TIE1: variants seen among roughly 807,000 people sequenced by gnomAD.
TIE1 encodes tyrosine kinase with immunoglobulin like and EGF like domains 1, also known as tyrosine-protein kinase receptor Tie-1.
TIE1 carries 89 observed loss-of-function variants against 130.5 expected under a neutral mutation model. The observed-to-expected ratio is 0.68, with a 90% confidence interval of 0.57 to 0.81. The LOEUF (loss-of-function observed/expected upper bound fraction) is 0.81, where lower values mean the gene tolerates loss of function less well. TIE1 is among the 40% of genes least tolerant of loss of function. The pLI is 0.00. For synonymous variants in TIE1, 568 were observed against 629.4 expected (o/e 0.90, Z 1.46); for missense variants, 1,392 against 1,559.8 (o/e 0.89, Z 1.81).
Position 43,306,365 on chromosome 1 carries a change from C to T in TIE1, c.485-475C>T, listed in dbSNP as rs1646728459. Among the ~76,000 whole-genome samples, 1 of 152,144 alleles carries T rather than the reference C, an allele frequency of 6.6e-6. No homozygotes were observed. Among genetic ancestry groups the T allele is most frequent in the African/African-American group, 2.4e-5 (1 of 41,442 alleles). ...GACGAATGGGGCTGGATGGCTTGGC[C>T]ACGGCCAAGTTGGTGAAAATGATGT... is the stretch of plus-strand genomic sequence containing the variant. On this transcript the variant is annotated intron_variant, in intron 3 of 22. Coordinates refer to ENST00000372476, the MANE Select transcript of TIE1 (RefSeq NM_005424.5). This position sits in a 1 kb window ranked among gnomAD's most constrained non-coding sequence, Gnocchi z 4.9.
chr1:43,307,176 C>T lies in TIE1; in HGVS notation c.675C>T (p.Thr225=), dbSNP rs779738785. ...CGAGRWGPGC[T]KECPGCLHGG... The stretch of plus-strand genomic sequence containing the variant: ...CTGGGCGCTGGGGGCCAGGCTGTAC[C>T]AAGGAGTGCCCAGGTTGCCTACATG... The change falls in exon 5 of 23, where the codon ACC becomes ACT. Residue 225 remains threonine, a synonymous_variant. Coordinates refer to ENST00000372476, the MANE Select transcript of TIE1 (RefSeq NM_005424.5). This position sits in a 1 kb window ranked among gnomAD's most constrained non-coding sequence, Gnocchi z 5.4. The T allele has an allele frequency of 9.3e-6, 15 of 1,614,018 alleles. No individual in the cohort carries two copies. The East Asian group carries it at 2.7e-4, about 29-fold the overall frequency.
chr1:43,301,121 C>T lies in TIE1; in HGVS notation c.50C>T (p.Ser17Phe). The change falls in exon 1 of 23, where the codon TCT becomes TTT. Residue 17 changes from serine (S) to phenylalanine (F), a missense_variant. By Grantham distance (155) the Ser-to-Phe change is radical (BLOSUM62 -2). Around this residue, in one of 6 missense-constraint regions of TIE1, gnomAD observed 415 missense variants for 424.8 expected, o/e 0.98. Coordinates refer to ENST00000372476, the MANE Select transcript of TIE1 (RefSeq NM_005424.5). ...TTGCTCCCCATCCTCTTCTTGGCTT[C>T]TCATGTGGGTAAGTCTCCCCTGAGT... ...PFLLPILFLASHVGAAVDLTL... is the reference protein window; with the variant it reads ...PFLLPILFLAFHVGAAVDLTL... 6.2e-7 allele frequency: 1 copy of T among 1,613,682 alleles called. No homozygotes were observed. Among genetic ancestry groups the T allele is most frequent in the Non-Finnish European group, 8.5e-7 (1 of 1,179,810 alleles).
rs1292782493 is a variant in TIE1, at chr1:43,315,317, T to A, written c.2409+1349T>A. 1 of 152,272 alleles carries A rather than the reference T, an allele frequency of 6.6e-6. No individual in the cohort carries two copies. The highest frequency in any genetic ancestry group is 1.5e-5 in the Non-Finnish European group (1 of 68,050). 9.4% of individuals were successfully genotyped at this position (152,272 alleles called of 1,614,324 possible). On this transcript the variant is annotated intron_variant, in intron 14 of 22. Coordinates refer to ENST00000372476, the MANE Select transcript of TIE1 (RefSeq NM_005424.5). The surrounding 1 kb of genome is among the most constrained non-coding windows in gnomAD (Gnocchi z 4.4). ...GAAAACCCTCTTCTCTCTCAAGGGC[T>A]GATCCTTGTGATAGAAAGCCTAGTG...
rs151170413 is a variant in TIE1 at position 43,321,460 on chromosome 1, C to G, written c.3213C>G (p.Arg1071=). ...ATGAAAAGCTGCCCCAGGGCTACCG[C>G]ATGGAGCAGCCTCGAAACTGTGACG... ...ELYEKLPQGY[R]MEQPRNCDDE... Residue 1071 remains arginine, a synonymous_variant, in exon 21 of 23, where the codon CGC becomes CGG. Coordinates refer to ENST00000372476, the MANE Select transcript of TIE1 (RefSeq NM_005424.5). 5 of 1,613,868 alleles carry G rather than the reference C, an allele frequency of 3.1e-6. No individual in the cohort carries two copies. The South Asian group carries it at 3.3e-5, about 11-fold the overall frequency.
chr1:43,303,758 T>G (rs960556016), intron 1 of TIE1, among the ~76,000 whole-genome samples: 4 of 152,100 alleles, frequency 2.6e-5, no homozygotes, highest in Non-Finnish European at 5.9e-5. Context: ...TCCAGGCTGT[T>G]CCCTCTGTCT....
Position 43,317,231 on chromosome 1 carries a change from G to C in TIE1, c.2442G>C (p.Gly814=), listed in dbSNP as rs1365482311. Residue 814 remains glycine, a synonymous_variant, in exon 15 of 23, where the codon GGG becomes GGC. Transcript: ENST00000372476. The surrounding 1 kb of genome is among the most constrained non-coding windows in gnomAD (Gnocchi z 5.1). ...AGACCATCCTGCAGTTCAGCTCAGG[G>C]ACCTTGACACTTACCCGGCGGCCAA... ...GEETILQFSS[G]TLTLTRRPKL... is the part of the protein sequence containing the mutation. The C allele has an allele frequency of 1.9e-6, 3 of 1,614,084 alleles. No individual in the cohort carries two copies. The highest frequency in any genetic ancestry group is 2.2e-5 in the South Asian group (2 of 91,078).
rs945031177 is a variant in TIE1, at chr1:43,319,306, C to T, written c.2994C>T (p.Phe998=). The change falls in exon 18 of 23, where the codon TTC becomes TTT. Residue 998 remains phenylalanine, a synonymous_variant. Transcript: ENST00000372476. The surrounding 1 kb of genome is among the most constrained non-coding windows in gnomAD (Gnocchi z 4.7). ...GENLASKIAD[F]GLSRGEEVYV... The stretch of plus-strand genomic sequence containing the variant: ...ACCTAGCCTCCAAGATTGCAGACTT[C>T]GGCCTTTCTCGGGGAGAGGAGGTTT... 9.3e-6 allele frequency: 15 copies of T among 1,613,908 alleles called. No individual in the cohort carries two copies. The highest frequency in any genetic ancestry group is 2.2e-5 in the South Asian group (2 of 91,072).
chr1:43,321,810 C>G, intron 22 of TIE1, 95 bp downstream of exon 22: 2 of 1,168,294 alleles, frequency 1.7e-6, no homozygotes, highest in South Asian at 2.7e-5. Flanking sequence ...AACCACACTG[C>G]CTGCCCAACC....
intron 1 of TIE1, among the ~76,000 whole-genome samples, chr1:43,303,444 G>C (rs1359995579): frequency 6.6e-6 from 1 of 152,168 alleles, no homozygotes; most frequent in Non-Finnish European, 1.5e-5. Context: ...GTTGGTATGT[G>C]GTGGGCGGTC....
chr1:43,303,227 G>A (rs1164043092), intron 1 of TIE1, among the ~76,000 whole-genome samples: 2 of 152,146 alleles, frequency 1.3e-5, no homozygotes, highest in South Asian at 2.1e-4. Flanking sequence ...GGGAGCACTG[G>A]AGAGGAGCAG....
chr1:43,321,821 T>C, intron 22 of TIE1, 106 bp downstream of exon 22: 1 of 1,061,866 alleles, frequency 9.4e-7, no homozygotes, highest in Non-Finnish European at 1.4e-6. Context: ...CTGCCCAACC[T>C]CCCTCAGTGG....
chr1:43,305,143 C>T lies in TIE1; in HGVS notation c.351C>T (p.Ile117=). The stretch of plus-strand genomic sequence containing the variant: ...CTGGGGCGCGGCGCACGCGCGTCAT[C>T]TACGTGCACAACAGCCCTGGAGGTG... The part of the protein sequence containing the change: ...GGAGARRTRV[I]YVHNSPGAHL... Residue 117 remains isoleucine (I), a synonymous_variant, in exon 2 of 23, where the codon ATC becomes ATT. Coordinates refer to ENST00000372476, the MANE Select transcript of TIE1 (RefSeq NM_005424.5). The T allele has an allele frequency of 6.2e-7, 1 of 1,613,994 alleles. No homozygotes were observed. The highest frequency in any genetic ancestry group is 8.5e-7 in the Non-Finnish European group (1 of 1,179,920).
Position 43,313,213 on chromosome 1 carries a change from C to G in TIE1, c.2006C>G (p.Ala669Gly). The part of the protein sequence containing the change: ...EIQLTWKHPE[A>G]LPGPISKYVV... ...CAGCTGACATGGAAGCACCCGGAGGCTCTGCCTGGGCCAATATCCAAGTAC... is the reference window on the plus strand; with the variant it reads ...CAGCTGACATGGAAGCACCCGGAGGGTCTGCCTGGGCCAATATCCAAGTAC... Residue 669 changes from alanine to glycine, a missense_variant, in exon 13 of 23, where the codon GCT (alanine) becomes GGT (glycine). Ala to Gly is a moderately conservative substitution (Grantham distance 60). Around this residue, in one of 6 missense-constraint regions of TIE1, gnomAD observed 551 missense variants for 565.5 expected, o/e 0.97. Coordinates refer to ENST00000372476, the MANE Select transcript of TIE1 (RefSeq NM_005424.5). The surrounding 1 kb of genome is among the most constrained non-coding windows in gnomAD (Gnocchi z 6.2). 1 of 1,613,962 alleles carries G rather than the reference C, an allele frequency of 6.2e-7. No homozygotes were observed. Among genetic ancestry groups the G allele is most frequent in the Non-Finnish European group, 8.5e-7 (1 of 1,179,902 alleles).
Position 43,313,947 on chromosome 1 carries a change from C to A in TIE1, c.2388C>A (p.Thr796=). The A allele has an allele frequency of 6.2e-7, 1 of 1,614,158 alleles. No individual in the cohort carries two copies. Among genetic ancestry groups the A allele is most frequent in the Non-Finnish European group, 8.5e-7 (1 of 1,180,018 alleles). The change falls in exon 14 of 23, where the codon ACC becomes ACA. Residue 796 remains threonine, a synonymous_variant. Transcript: ENST00000372476. The surrounding 1 kb of genome is among the most constrained non-coding windows in gnomAD (Gnocchi z 6.2). ...IRRSCLHRRR[T]FTYQSGSGEE... is the part of the protein sequence containing the mutation. ...GAAGCTGCCTGCATCGGAGACGCAC[C>A]TTCACCTACCAGTCAGGCTCGGTCA...
At chr1:43,321,756 A>G in intron 22 of TIE1, 41 bp downstream of exon 22, 3 of 1,532,438 alleles carry the variant, frequency 2.0e-6, no homozygotes, top group Non-Finnish European at 2.7e-6. Flanking sequence ...GGGCTCACAG[A>G]GTGCTCCAGA....
In TIE1 at chr1:43,317,618, G is replaced by C; in HGVS notation, c.2675G>C (p.Cys892Ser). The stretch of plus-strand genomic sequence containing the variant: ...TTTGCGGGAGAACTGGAAGTTCTGT[G>C]CAAATTGGGGCATCACCCCAACATC... The part of the protein sequence containing the change: ...RDFAGELEVL[C>S]KLGHHPNIIN... Residue 892 changes from cysteine (C) to serine (S), a missense_variant, in exon 16 of 23, where the codon TGC becomes TCC. Coordinates refer to ENST00000372476, the MANE Select transcript of TIE1 (RefSeq NM_005424.5). The surrounding 1 kb of genome is among the most constrained non-coding windows in gnomAD (Gnocchi z 5.1). 1 of 1,608,052 alleles carries C rather than the reference G, an allele frequency of 6.2e-7. No individual in the cohort carries two copies. Among genetic ancestry groups the C allele is most frequent in the Non-Finnish European group, 8.5e-7 (1 of 1,176,080 alleles).
chr1:43,311,085 C>CT (rs1646785621), intron 9 of TIE1, among the ~76,000 whole-genome samples: 1 of 152,166 alleles, frequency 6.6e-6, no homozygotes, highest in South Asian at 2.1e-4. Context: ...ATGGATAGAT[C>CT]TGAGGCGGCC....
rs147422857 is a variant in TIE1, at chr1:43,319,923, C to T, written c.3107+394C>T. 197 of 267,034 alleles carry T rather than the reference C, an allele frequency of 7.4e-4. No homozygotes were observed. Among genetic ancestry groups the T allele is most frequent in the African/African-American group, 4.1e-3 (188 of 45,408 alleles). 16.5% of individuals were successfully genotyped at this position (267,034 alleles called of 1,614,324 possible). A position where few individuals can be genotyped will look rare whatever the true frequency, so the allele number is the denominator to read the frequency against. ...TCTTACCAGAGCATGACCCCCAAGA[C>T]TCCCTCTCTGTGCCCCCTCCCCTGC... On this transcript the variant is annotated intron_variant, in intron 19 of 22. Transcript: ENST00000372476. This position sits in a 1 kb window ranked among gnomAD's most constrained non-coding sequence, Gnocchi z 4.7.
At position 43,313,415 on chromosome 1, in the gene TIE1, C is replaced by T; in HGVS notation, c.2208C>T (p.Thr736=). 6.2e-7 allele frequency: 1 copy of T among 1,613,864 alleles called. No homozygotes were observed. Among genetic ancestry groups the T allele is most frequent in the Non-Finnish European group, 8.5e-7 (1 of 1,179,926 alleles). Residue 736 remains threonine (T), a synonymous_variant, in exon 13 of 23, where the codon ACC becomes ACT. Transcript: ENST00000372476. The surrounding 1 kb of genome is among the most constrained non-coding windows in gnomAD (Gnocchi z 6.2). ...GDWSNTVEES[T]LGNGLQAEGP... Reference sequence around the variant, plus strand: ...GGAGCAACACAGTAGAAGAGTCCACCCTGGGCAACGGTGAGAGGGCAGGGC... The same window carrying T: ...GGAGCAACACAGTAGAAGAGTCCACTCTGGGCAACGGTGAGAGGGCAGGGC...
Sources: allele counts gnomAD v4.1 joint callset (sites outside exome capture counted in the v4.1 genomes callset), GRCh38; gene constraint gnomAD v4.1.1; regional missense constraint gnomAD v4.1.1; non-coding constraint Gnocchi (gnomAD v3.1); transcripts MANE v1.5; gene names NCBI Gene and HGNC (gene_info 2026-07-23, HGNC 2026-07-21).